STOX2: variants seen among roughly 807,000 people sequenced by gnomAD.
STOX2 encodes the protein storkhead box 2.
A neutral mutation model predicts 60.9 loss-of-function variants in STOX2; 28 were observed. The ratio of observed to expected loss-of-function variants is 0.46; its 90% CI spans 0.34 to 0.63. STOX2 has a LOEUF of 0.63. STOX2 is among the 30% of genes least tolerant of loss of function. STOX2 has a pLI of 0.01. For synonymous variants in STOX2, 472 were observed against 463.9 expected (o/e 1.02, Z -0.22); for missense variants, 1,024 against 1,187.7 (o/e 0.86, Z 2.03).
chr4:183,827,708 A>AT (rs112169255), intron 1 of STOX2, among the ~76,000 whole-genome samples: 2,943 of 152,046 alleles, frequency 0.019, 92 homozygotes, highest in African/African-American at 0.067. Flanking sequence ...ACTTGTACAT[A>AT]TTTTATAAAT....
At chr4:183,964,858 A>T (rs772412643) in intron 1 of STOX2, among the ~76,000 whole-genome samples, 1 of 152,252 alleles carries the variant, frequency 6.6e-6, no homozygotes, top group Admixed American at 6.5e-5. Context: ...TGCTGGGATT[A>T]CAGGCATGAG....
At chr4:183,837,472 TC>T (rs1441652047) in intron 1 of STOX2, among the ~76,000 whole-genome samples, 2 of 152,012 alleles carry the variant, frequency 1.3e-5, no homozygotes, top group African/African-American at 4.8e-5. Context: ...TTTTTTTTTT[TC>T]TTTGAGATAG....
At chr4:183,998,929 G>A (rs938320261) in intron 1 of STOX2, among the ~76,000 whole-genome samples, 2 of 152,152 alleles carry the variant, frequency 1.3e-5, no homozygotes, top group Admixed American at 6.5e-5. Context: ...TGGCCGGACT[G>A]TAGTCCTAGC....
chr4:183,847,853 G>A (rs929659237), intron 1 of STOX2, among the ~76,000 whole-genome samples: 10 of 152,104 alleles, frequency 6.6e-5, no homozygotes, highest in East Asian at 1.9e-4. Flanking sequence ...CACGATTTTC[G>A]CTGATGTCAC....
At chr4:183,980,106 G>C (rs1015405792) in intron 1 of STOX2, among the ~76,000 whole-genome samples, 2 of 152,114 alleles carry the variant, frequency 1.3e-5, no homozygotes, top group African/African-American at 4.8e-5. Context: ...TTCATTCAGA[G>C]AGATAAAAGA....
rs1007227443 is a variant in STOX2, at chr4:183,798,702, G to A, written c.364+647G>A. ...AGGAAGAGACACAAAGAGGCCGGAG[G>A]AAAAAAAATCTGATCCTCAACAAAA... On this transcript the variant is annotated intron_variant, in intron 1 of 2. Transcript: ENST00000513034. 4 of 985,110 alleles carry A rather than the reference G, an allele frequency of 4.1e-6. No individual in the cohort carries two copies. In the African/African-American group the frequency reaches 7.0e-5, roughly 17 times the overall value. The allele number at this position is 985,110 out of a possible 1,614,324, so 61.0% of individuals were successfully genotyped here. A position where few individuals can be genotyped will look rare whatever the true frequency, so the allele number is the denominator to read the frequency against.
In STOX2 at chr4:184,009,583, A is replaced by G. The variant is rs1422629067; in HGVS notation, c.745A>G (p.Lys249Glu). Residue 249 changes from lysine (K) to glutamate (E), a missense_variant, in exon 3 of 4, where the codon AAG becomes GAG. Coordinates refer to ENST00000308497, the MANE Select transcript of STOX2 (RefSeq NM_020225.3). The surrounding 1 kb of genome is among the most constrained non-coding windows in gnomAD (Gnocchi z 4.0). ...KSKSTVNFSY[K>E]TETLSKPKDS... ...CAAAAGTACTGTAAATTTTTCCTATAAGACAGAAACTCTCTCAAAACCTAA... is the reference window on the plus strand; with the variant it reads ...CAAAAGTACTGTAAATTTTTCCTATGAGACAGAAACTCTCTCAAAACCTAA... The G allele has an allele frequency of 1.2e-6, 2 of 1,613,788 alleles. No homozygotes were observed. Among genetic ancestry groups the G allele is most frequent in the Non-Finnish European group, 1.7e-6 (2 of 1,179,846 alleles).
intron 1 of STOX2, among the ~76,000 whole-genome samples, chr4:183,844,949 C>T (rs1165382685): frequency 6.6e-6 from 1 of 152,176 alleles, no homozygotes; most frequent in African/African-American, 2.4e-5. Flanking sequence ...TCATAAGAAT[C>T]TCATGAAGCA....
At chr4:183,877,606 G>T (rs1195412094) in intron 1 of STOX2, among the ~76,000 whole-genome samples, 2 of 152,200 alleles carry the variant, frequency 1.3e-5, no homozygotes, top group Non-Finnish European at 2.9e-5. Flanking sequence ...TGAGTTTCTG[G>T]TTGAGGATAA....
intron 1 of STOX2, 53 bp downstream of exon 1, chr4:183,907,009 G>T (rs1274771520): frequency 2.8e-6 from 4 of 1,426,570 alleles, no homozygotes; most frequent in South Asian, 1.4e-5. Flanking sequence ...GGACGTGCTC[G>T]GTACGCCGCG....
intron 1 of STOX2, chr4:183,798,601 G>A (rs1738688837): frequency 2.0e-6 from 2 of 984,952 alleles, no homozygotes; most frequent in East Asian, 1.1e-4. Context: ...ATTTCTCAAC[G>A]AGGCAAGGCT....
chr4:184,002,173 T>C (rs1733619519), intron 2 of STOX2, among the ~76,000 whole-genome samples: 1 of 152,216 alleles, frequency 6.6e-6, no homozygotes, highest in African/African-American at 2.4e-5. Flanking sequence ...TTTGGTCTTA[T>C]GTGAAATCTC....
intron 1 of STOX2, 31 bp downstream of exon 1, chr4:183,906,987 G>T (rs541264702): frequency 6.7e-6 from 10 of 1,498,488 alleles, no homozygotes; most frequent in South Asian, 6.5e-5. Flanking sequence ...CTGCCCCCGG[G>T]CCGGGGCCGC....
At chr4:183,945,359 G>A (rs1742859254) in intron 1 of STOX2, among the ~76,000 whole-genome samples, 1 of 152,170 alleles carries the variant, frequency 6.6e-6, no homozygotes, top group South Asian at 2.1e-4. Context: ...GGTCGTGACA[G>A]TATACCCATT....
intron 1 of STOX2, among the ~76,000 whole-genome samples, chr4:183,804,879 GA>G (rs1738849140): frequency 1.3e-5 from 2 of 152,192 alleles, no homozygotes; most frequent in African/African-American, 4.8e-5. Context: ...ACTGCTTATA[GA>G]TTAATTATGA....
chr4:183,978,931 G>T (rs1252854502), intron 1 of STOX2, among the ~76,000 whole-genome samples: 1 of 152,144 alleles, frequency 6.6e-6, no homozygotes, highest in East Asian at 1.9e-4. Flanking sequence ...TACATCAAAA[G>T]AGGCCTCAAT....
At chr4:183,852,133 CGATGAGGGAAAGGATGAGAGAAAG>C (rs1740159592) in intron 1 of STOX2, among the ~76,000 whole-genome samples, 1 of 5,700 alleles carries the variant, frequency 1.8e-4, no homozygotes, top group African/African-American at 8.2e-4. Flanking sequence ...ATGAGGGAAA[CGATGAGGGAAAGGATGAGAGAAAG>C]GATGAGGGAA....
At chr4:183,867,969 T>C (rs1031757698) in intron 1 of STOX2, among the ~76,000 whole-genome samples, 3 of 152,204 alleles carry the variant, frequency 2.0e-5, no homozygotes, top group African/African-American at 7.2e-5. Context: ...TTTATTCCTG[T>C]AGTGTAAAAT....
rs570449842 is a variant in STOX2 at position 183,899,358 on chromosome 4, G to C, written c.364+101303G>C. On this transcript the variant is annotated intron_variant, in intron 1 of 2. Coordinates refer to the STOX2 transcript ENST00000513034. ...GAAATGATTAGGCTTTGCGAGGAAG[G>C]CATGTCCAAAGCTGAGATGGGCTAA... 2.6e-5 allele frequency among the ~76,000 whole-genome samples: 4 copies of C among 152,324 alleles called. No homozygotes were observed. The South Asian group carries it at 8.3e-4, about 32-fold the overall frequency.
Sources: allele counts gnomAD v4.1 joint callset (sites outside exome capture counted in the v4.1 genomes callset), GRCh38; gene constraint gnomAD v4.1.1; non-coding constraint Gnocchi (gnomAD v3.1); transcripts MANE v1.5; gene names NCBI Gene and HGNC (gene_info 2026-07-23, HGNC 2026-07-21).